SLIT3: variants seen among roughly 807,000 people sequenced by gnomAD.
The protein encoded by SLIT3 is slit guidance ligand 3.
Under a neutral mutation model 184.0 loss-of-function variants are expected in SLIT3, and 68 were observed. That is an observed-to-expected ratio of 0.37 (90% CI 0.30 to 0.45). The LOEUF (loss-of-function observed/expected upper bound fraction) is 0.45. SLIT3 is among the 20% of genes least tolerant of loss of function. SLIT3 has a pLI of 1.00. For missense variants in SLIT3, 1,707 were observed against 2,026.0 expected (o/e 0.84, Z 3.02); for synonymous variants, 831 against 828.6 (o/e 1.00, Z -0.05).
At chr5:168,724,973 C>G (rs1419565784) in intron 20 of SLIT3, among the ~76,000 whole-genome samples, 4 of 152,178 alleles carry the variant, frequency 2.6e-5, no homozygotes, top group Admixed American at 2.6e-4. Context: ...CACAATTCCA[C>G]ACTTAGCTTC....
intron 4 of SLIT3, among the ~76,000 whole-genome samples, chr5:169,065,084 T>C (rs534173597): frequency 1.3e-5 from 2 of 152,350 alleles, no homozygotes; most frequent in South Asian, 2.1e-4. Flanking sequence ...CAAGTTCATA[T>C]GGTTAAACAG....
intron 4 of SLIT3, among the ~76,000 whole-genome samples, chr5:169,031,608 T>C (rs773162262): frequency 1.6e-4 from 24 of 152,298 alleles, no homozygotes; most frequent in Non-Finnish European, 2.8e-4. Context: ...ATGCAGCAAG[T>C]GTTTGTCCTG....
intron 4 of SLIT3, among the ~76,000 whole-genome samples, chr5:169,098,791 C>T (rs1425343766): frequency 6.6e-6 from 1 of 152,188 alleles, no homozygotes; most frequent in Non-Finnish European, 1.5e-5. Flanking sequence ...TTGCAAGAAG[C>T]AGGATTCACA....
intron 6 of SLIT3, among the ~76,000 whole-genome samples, chr5:168,842,754 C>T (rs1442960757): frequency 1.3e-5 from 2 of 152,196 alleles, no homozygotes; most frequent in South Asian, 2.1e-4. Context: ...AAGACAACAC[C>T]GTTCCTAGCA....
chr5:169,181,678 T>C (rs992753006), intron 4 of SLIT3, among the ~76,000 whole-genome samples: 1 of 151,486 alleles, frequency 6.6e-6, no homozygotes, highest in Admixed American at 6.6e-5. Flanking sequence ...GAGGTGGAGG[T>C]TGCAGTGAGC....
chr5:169,276,354 C>T (rs143101858), intron 1 of SLIT3, among the ~76,000 whole-genome samples: 1,670 of 152,244 alleles, frequency 0.011, 15 homozygotes, highest in Middle Eastern at 0.024. Context: ...CGTCAATAAG[C>T]GGAGAAAAGT....
intron 6 of SLIT3, among the ~76,000 whole-genome samples, chr5:168,833,995 G>A (rs1483468275): frequency 2.0e-5 from 3 of 152,154 alleles, no homozygotes; most frequent in Non-Finnish European, 4.4e-5. Flanking sequence ...GATCTGCCCA[G>A]CTCTGCACAG....
chr5:169,064,765 T>G (rs1174006626), intron 4 of SLIT3, among the ~76,000 whole-genome samples: 1 of 152,258 alleles, frequency 6.6e-6, no homozygotes, highest in Non-Finnish European at 1.5e-5. Context: ...CTAGGAGCAC[T>G]ATGTTCTAGG....
rs557756550 is a variant in SLIT3 at position 169,004,662 on chromosome 5, T to C, written c.414-121326A>G. Among the ~76,000 whole-genome samples, 5 of 152,252 alleles carry C rather than the reference T, an allele frequency of 3.3e-5. No homozygotes were observed. The East Asian group carries it at 9.7e-4, about 29-fold the overall frequency. Reference sequence around the variant, plus strand: ...CATGTCTGTGTCCAACTAAAATTCATGTTTGAAAGCCTAACCACCAAGACG... The same window carrying C: ...CATGTCTGTGTCCAACTAAAATTCACGTTTGAAAGCCTAACCACCAAGACG... On this transcript the variant is annotated intron_variant, in intron 4 of 35. Coordinates refer to ENST00000519560, the MANE Select transcript of SLIT3 (RefSeq NM_003062.4).
chr5:168,892,821 G>T (rs923074962), intron 4 of SLIT3, among the ~76,000 whole-genome samples: 1 of 152,198 alleles, frequency 6.6e-6, no homozygotes, highest in African/African-American at 2.4e-5. Flanking sequence ...TGGGACAGAG[G>T]CTGAGCTTCT....
In SLIT3 at chr5:168,748,404, G is replaced by A; in HGVS notation, c.2168C>T (p.Pro723Leu). The change falls in exon 20 of 36, where the codon CCG (proline) becomes CTG (leucine). Residue 723 changes from proline (P) to leucine (L), a missense_variant. Physicochemically the swap from Pro to Leu is moderately conservative, Grantham distance 98 (BLOSUM62 -3). Coordinates refer to ENST00000519560, the MANE Select transcript of SLIT3 (RefSeq NM_003062.4). ...ACAGGTGCACTGCTCCGGGCAGCGC[G>A]GGCTCAGCTGGCAGCTACTCTCCTC... ...GNEESSCQLS[P>L]RCPEQCTCME... 3 of 1,522,180 alleles carry A rather than the reference G, an allele frequency of 2.0e-6. No individual in the cohort carries two copies. The highest frequency in any genetic ancestry group is 1.3e-5 in the South Asian group (1 of 76,418). 94.3% of individuals were successfully genotyped at this position (1,522,180 alleles called of 1,614,324 possible). A position where few individuals can be genotyped will look rare whatever the true frequency, so the allele number is the denominator to read the frequency against.
At position 168,670,003 on chromosome 5, in the gene SLIT3, G is replaced by A. The variant is rs368858818; in HGVS notation, c.4128-12C>T. The A allele has an allele frequency of 1.4e-5, 23 of 1,612,276 alleles. No homozygotes were observed. The African/African-American group carries it at 2.8e-4, about 20-fold the overall frequency. ...TTCCATGGTGGCATCTAGGGGCAGA[G>A]AGGAGGATGAGAAGGGAACTGGATC... On this transcript the variant is annotated splice_polypyrimidine_tract_variant and intron_variant, in intron 34 of 35. Coordinates refer to ENST00000519560, the MANE Select transcript of SLIT3 (RefSeq NM_003062.4).
intron 6 of SLIT3, among the ~76,000 whole-genome samples, chr5:168,833,538 C>T (rs1757947165): frequency 6.6e-6 from 1 of 152,204 alleles, no homozygotes; most frequent in South Asian, 2.1e-4. Context: ...GGCCATTTCC[C>T]AAGCAGTGGC....
intron 4 of SLIT3, among the ~76,000 whole-genome samples, chr5:168,949,828 G>C (rs1451477371): frequency 6.6e-6 from 1 of 152,158 alleles, no homozygotes; most frequent in Non-Finnish European, 1.5e-5. Context: ...CTGGACTCAA[G>C]TGATCCACCC....
intron 6 of SLIT3, among the ~76,000 whole-genome samples, chr5:168,830,104 T>C (rs1029264903): frequency 6.6e-6 from 1 of 151,936 alleles, no homozygotes; most frequent in Non-Finnish European, 1.5e-5. Context: ...GTCCTAAGAG[T>C]GATCGTTATT....
intron 4 of SLIT3, among the ~76,000 whole-genome samples, chr5:169,074,428 A>C (rs1249001914): frequency 6.6e-6 from 1 of 152,164 alleles, no homozygotes; most frequent in Non-Finnish European, 1.5e-5. Flanking sequence ...AGTAGTAATA[A>C]TAATGATGAT....
intron 2 of SLIT3, among the ~76,000 whole-genome samples, chr5:169,248,990 T>G (rs1765688003): frequency 6.6e-6 from 1 of 152,198 alleles, no homozygotes. Context: ...GGGTGGCCAA[T>G]TTTTCAAGAC....
chr5:168,965,696 C>T lies in SLIT3; in HGVS notation c.414-82360G>A, dbSNP rs74551081. Reference sequence around the variant, plus strand: ...AAGTACAGACAGAATTCTTCTCTATCGCTTATCAGCAATGACACCTAAAAG... The same window carrying T: ...AAGTACAGACAGAATTCTTCTCTATTGCTTATCAGCAATGACACCTAAAAG... On this transcript the variant is annotated intron_variant, in intron 4 of 35. Coordinates refer to ENST00000519560, the MANE Select transcript of SLIT3 (RefSeq NM_003062.4). 4.6e-3 allele frequency among the ~76,000 whole-genome samples: 708 copies of T among 152,300 alleles called. 15 individuals carry two copies. Among genetic ancestry groups the T allele is most frequent in the East Asian group, 0.012 (62 of 5,184 alleles).
chr5:169,186,734 A>G (rs1763350884), intron 4 of SLIT3, among the ~76,000 whole-genome samples: 1 of 152,184 alleles, frequency 6.6e-6, no homozygotes, highest in African/African-American at 2.4e-5. Flanking sequence ...AAAGCAGAAA[A>G]TGGTGAATAT....
Sources: allele counts gnomAD v4.1 joint callset (sites outside exome capture counted in the v4.1 genomes callset), GRCh38; gene constraint gnomAD v4.1.1; transcripts MANE v1.5; gene names NCBI Gene and HGNC (gene_info 2026-07-23, HGNC 2026-07-21).